The following EPB41L4A variants were observed in gnomAD, a reference collection of about 807,000 sequenced individuals.
EPB41L4A encodes erythrocyte membrane protein band 4.1 like 4A.
Under a neutral mutation model 108.6 loss-of-function variants are expected in EPB41L4A, and 100 were observed. The ratio of observed to expected loss-of-function variants is 0.92; its 90% confidence interval spans 0.78 to 1.09. The LOEUF (loss-of-function observed/expected upper bound fraction) is 1.09, where lower values mean the gene tolerates loss of function less well. EPB41L4A is among the 50% of genes least tolerant of loss of function. The pLI is 0.00. For missense variants in EPB41L4A, 1,030 were observed against 842.7 expected, an observed-to-expected ratio of 1.22 and a Z score of -2.75; for synonymous variants, 319 against 289.0, an observed-to-expected ratio of 1.10 and a Z score of -1.05.
At chr5:112,238,787 C>T (rs1022876834) in intron 11 of EPB41L4A, among the ~76,000 whole-genome samples, 1 of 152,114 alleles carries the variant, frequency 6.6e-6, no homozygotes, top group South Asian at 2.1e-4. Flanking sequence ...TTCTTTGTAT[C>T]TCTAGGTACC....
intron 5 of EPB41L4A, 54 bp downstream of exon 5, chr5:112,266,179 T>C (rs1185441455): frequency 6.2e-6 from 8 of 1,298,570 alleles, no homozygotes; most frequent in African/African-American, 6.0e-5. Context: ...CTTTTAAAAA[T>C]GCAAATACTT....
chr5:112,194,444 A>G, intron 17 of EPB41L4A, 124 bp downstream of exon 17: 2 of 565,448 alleles, frequency 3.5e-6, no homozygotes, highest in Non-Finnish European at 6.1e-6. Flanking sequence ...GTGCTTCAAA[A>G]TAGTGCCAGA....
intron 2 of EPB41L4A, among the ~76,000 whole-genome samples, chr5:112,298,516 T>C (rs1754153775): frequency 6.6e-6 from 1 of 152,236 alleles, no homozygotes; most frequent in Non-Finnish European, 1.5e-5. Flanking sequence ...AAACCATCCC[T>C]GCATTCCTGG....
chr5:112,360,229 C>T (rs1345805466), intron 1 of EPB41L4A, among the ~76,000 whole-genome samples: 1 of 152,158 alleles, frequency 6.6e-6, no homozygotes, highest in Non-Finnish European at 1.5e-5. Context: ...TTGAGACCAG[C>T]CTGGGCAACA....
chr5:112,339,115 G>A (rs758576411), intron 1 of EPB41L4A, among the ~76,000 whole-genome samples: 162 of 152,160 alleles, frequency 1.1e-3, no homozygotes, highest in Non-Finnish European at 1.9e-3. Flanking sequence ...CTGGGTTTAG[G>A]TGCCAGCGAA....
chr5:112,258,563 T>C (rs1751272433), intron 9 of EPB41L4A, among the ~76,000 whole-genome samples: 2 of 152,228 alleles, frequency 1.3e-5, no homozygotes, highest in Non-Finnish European at 2.9e-5. Flanking sequence ...AGCACTTCAA[T>C]GAAGCATTAT....
At chr5:112,225,675 C>T (rs983179277) in intron 12 of EPB41L4A, among the ~76,000 whole-genome samples, 1 of 152,190 alleles carries the variant, frequency 6.6e-6, no homozygotes, top group Non-Finnish European at 1.5e-5. Context: ...TGCATGCATA[C>T]TTTCCCACCC....
At chr5:112,234,972 G>GA (rs1182138713) in intron 11 of EPB41L4A, among the ~76,000 whole-genome samples, 2 of 152,168 alleles carry the variant, frequency 1.3e-5, no homozygotes, top group East Asian at 3.8e-4. Flanking sequence ...TTCAGAGGAG[G>GA]AAACAGGAAG....
chr5:112,221,081 G>A (rs1276770646), intron 12 of EPB41L4A, among the ~76,000 whole-genome samples: 2 of 151,958 alleles, frequency 1.3e-5, no homozygotes, highest in Non-Finnish European at 2.9e-5. Flanking sequence ...TTTTGTTATG[G>A]GGACCTCAGC....
At chr5:112,173,168 A>AGAGT in intron 18 of EPB41L4A, among the ~76,000 whole-genome samples, 2 of 152,342 alleles carry the variant, frequency 1.3e-5, no homozygotes, top group South Asian at 2.1e-4. Flanking sequence ...AGTGCTGGAG[A>AGAGT]GAGTGACAGT....
chr5:112,346,754 A>T (rs1248991399), intron 1 of EPB41L4A, among the ~76,000 whole-genome samples: 1 of 152,194 alleles, frequency 6.6e-6, no homozygotes, highest in Non-Finnish European at 1.5e-5. Context: ...ACCTAAAATA[A>T]CTAAAACTAG....
At chr5:112,149,624 T>C (rs976197103) in intron 12 of EPB41L4A, among the ~76,000 whole-genome samples, 6 of 152,176 alleles carry the variant, frequency 3.9e-5, no homozygotes, top group East Asian at 1.9e-4. Flanking sequence ...AAGGAACAAA[T>C]TGAAAAAACC....
chr5:112,171,118 TGGACAGGGAGAGCCATTGTGATG>T (rs1467598561), intron 18 of EPB41L4A, 126 bp from the exon 19 acceptor site: 1 of 796,704 alleles, frequency 1.3e-6, no homozygotes, highest in Non-Finnish European at 2.0e-6. Context: ...AAGGAAAGAC[TGGACAGGGAGAGCCATTGTGATG>T]GTTAGTATAA....
At chr5:112,197,247 C>G (rs534766462) in intron 15 of EPB41L4A, among the ~76,000 whole-genome samples, 37 of 152,334 alleles carry the variant, frequency 2.4e-4, no homozygotes, top group Admixed American at 1.2e-3. Flanking sequence ...TCTCTCCTCT[C>G]TCCTTCAAAG....
At chr5:112,399,804 G>A (rs1761616870) in intron 1 of EPB41L4A, among the ~76,000 whole-genome samples, 2 of 152,268 alleles carry the variant, frequency 1.3e-5, no homozygotes, top group South Asian at 4.1e-4. Flanking sequence ...CTTTGCCTCT[G>A]GGCTCAGCCA....
rs534455463 is a variant in EPB41L4A, at chr5:112,166,366, C to G, written c.1933-1248G>C. ...AGCACTTGGAATAAAACAGTAAGATCCAAACGCTTCCCACAGCCTTTAAGT... is the reference window on the plus strand; with the variant it reads ...AGCACTTGGAATAAAACAGTAAGATGCAAACGCTTCCCACAGCCTTTAAGT... On this transcript the variant is annotated intron_variant, in intron 22 of 22. Coordinates refer to ENST00000261486, the MANE Select transcript of EPB41L4A (RefSeq NM_022140.5). Among the ~76,000 whole-genome samples the G allele has an allele frequency of 7.2e-5, 11 of 152,328 alleles. No individual in the cohort carries two copies. The South Asian group carries it at 2.3e-3, about 32-fold the overall frequency.
intron 1 of EPB41L4A, among the ~76,000 whole-genome samples, chr5:112,343,817 G>A (rs568141252): frequency 6.6e-6 from 1 of 152,276 alleles, no homozygotes; most frequent in African/African-American, 2.4e-5. Context: ...ACAATGCACA[G>A]CCCTCTTTTA....
Position 112,218,276 on chromosome 5 carries a change from C to T in EPB41L4A, c.1088-8294G>A, listed in dbSNP as rs181842665. Among the ~76,000 whole-genome samples the T allele has an allele frequency of 2.0e-5, 3 of 152,328 alleles. No individual in the cohort carries two copies. In the East Asian group the frequency reaches 5.8e-4, roughly 29 times the overall value. On this transcript the variant is annotated intron_variant, in intron 12 of 22. Coordinates refer to ENST00000261486, the MANE Select transcript of EPB41L4A (RefSeq NM_022140.5). ...CCAGATGTGGTAACAGGAGAGGGTGCACATTGTTCCTTCAAGCCCTCTTGG... is the reference window on the plus strand; with the variant it reads ...CCAGATGTGGTAACAGGAGAGGGTGTACATTGTTCCTTCAAGCCCTCTTGG...
Position 112,271,786 on chromosome 5 carries a change from G to A in EPB41L4A, c.335+3540C>T, listed in dbSNP as rs528207763. ...GATTTATTCTGCATAGACCATCAGG[G>A]AATTATTATTTCTTATTGAATTTCT... On this transcript the variant is annotated intron_variant, in intron 4 of 22. Coordinates refer to ENST00000261486, the MANE Select transcript of EPB41L4A (RefSeq NM_022140.5). 1.1e-4 allele frequency among the ~76,000 whole-genome samples: 17 copies of A among 152,260 alleles called. No homozygotes were observed. The South Asian group carries it at 3.5e-3, about 32-fold the overall frequency.
Sources: gnomAD v4.1 joint callset for allele counts (sites outside exome capture counted in the v4.1 genomes callset) on GRCh38, gnomAD v4.1.1 for gene constraint, MANE v1.5 for transcripts, NCBI Gene and HGNC (gene_info 2026-07-23, HGNC 2026-07-21) for gene names.